Variants in SFI1 observed in about 807,000 individuals in gnomAD.
The protein encoded by SFI1 is protein SFI1 homolog.
Under a neutral mutation model 207.5 loss-of-function variants are expected in SFI1, and 195 were observed. That is an observed-to-expected ratio of 0.94 (90% CI 0.84 to 1.06). The LOEUF (loss-of-function observed/expected upper bound fraction) is 1.06, where lower values mean the gene tolerates loss of function less well. Among genes scored for constraint, SFI1 ranks in the 50% least tolerant of loss-of-function variants. SFI1 has a pLI of 0.00. For synonymous variants in SFI1, 630 were observed against 598.9 expected, an observed-to-expected ratio of 1.05 and a Z score of -0.76; for missense variants, 1,634 against 1,588.0, an observed-to-expected ratio of 1.03 and a Z score of -0.49.
At chr22:31,561,966 A>T (rs989447865) in intron 8 of SFI1, among the ~76,000 whole-genome samples, 1 of 152,200 alleles carries the variant, frequency 6.6e-6, no homozygotes, top group Admixed American at 6.5e-5. Flanking sequence ...TAGAACAGAG[A>T]AGAGGAAAAA....
intron 11 of SFI1, 23 bp downstream of exon 11, chr22:31,578,475 C>G (rs761660865): frequency 6.2e-7 from 1 of 1,607,602 alleles, no homozygotes; most frequent in Admixed American, 1.7e-5. Flanking sequence ...CATCCTGGCA[C>G]GGGTCCGCTT....
At chr22:31,542,007 A>G (rs1321568155) in intron 4 of SFI1, among the ~76,000 whole-genome samples, 2 of 150,538 alleles carry the variant, frequency 1.3e-5, no homozygotes, top group Non-Finnish European at 3.0e-5. Flanking sequence ...AGGCTGAGGA[A>G]GGAGACTGGC....
chr22:31,501,193 A>T (rs987437752), intron 1 of SFI1, among the ~76,000 whole-genome samples: 1 of 136,860 alleles, frequency 7.3e-6, no homozygotes. Context: ...TTTTTTTGAG[A>T]CGGAGTGTAG....
chr22:31,611,913 G>A, intron 24 of SFI1, 73 bp downstream of exon 24: 2 of 1,589,166 alleles, frequency 1.3e-6, no homozygotes, highest in Non-Finnish European at 1.7e-6. Flanking sequence ...GGCAGTGAAT[G>A]ACCTTCAGCC....
intron 21 of SFI1, 81 bp from the exon 22 acceptor site, chr22:31,607,856 G>T: frequency 7.7e-7 from 1 of 1,295,324 alleles, no homozygotes; most frequent in East Asian, 2.4e-5. Context: ...TGCCTCTCCA[G>T]GAGCCACCGT....
chr22:31,560,082 A>G lies in SFI1; in HGVS notation c.663-1208A>G, dbSNP rs968996095. 5 of 238,906 alleles carry G rather than the reference A, an allele frequency of 2.1e-5. No homozygotes were observed. In the Admixed American group the frequency reaches 2.1e-4, roughly 10 times the overall value. 14.8% of individuals were successfully genotyped at this position (238,906 alleles called of 1,614,324 possible). A position where few individuals can be genotyped will look rare whatever the true frequency, so the allele number is the denominator to read the frequency against. On this transcript the variant is annotated intron_variant, in intron 7 of 32. Coordinates refer to ENST00000400288, the MANE Select transcript of SFI1 (RefSeq NM_001007467.3). ...TGTGATTCCCTGGATGCATAAGAAG[A>G]TAAGTGATAATGTGAGATAGCTTGA...
chr22:31,529,275 C>T (rs1569225338), intron 3 of SFI1, among the ~76,000 whole-genome samples: 1 of 152,120 alleles, frequency 6.6e-6, no homozygotes, highest in Non-Finnish European at 1.5e-5. Flanking sequence ...AGGTCAGGTA[C>T]GGTGGCTCAC....
chr22:31,529,093 A>C, intron 3 of SFI1: 1 of 427,262 alleles, frequency 2.3e-6, no homozygotes, highest in Non-Finnish European at 4.2e-6. Context: ...TGACGCTATC[A>C]AGATTCTTCC....
intron 8 of SFI1, among the ~76,000 whole-genome samples, chr22:31,568,220 ATATATAT>A (rs2062576146): frequency 7.8e-6 from 1 of 129,026 alleles, no homozygotes; most frequent in African/African-American, 3.0e-5. Flanking sequence ...GTATATATAT[ATATATAT>A]TTTTTTTTTT....
At chr22:31,612,398 A>AAAAAAAAAATATATATAT (rs1556369798) in intron 24 of SFI1, 3 of 60,198 alleles carry the variant, frequency 5.0e-5, no homozygotes, top group African/African-American at 2.0e-4. Flanking sequence ...AAAAAAAAAA[A>AAAAAAAAAATATATATAT]ATATATATAT....
intron 6 of SFI1, among the ~76,000 whole-genome samples, chr22:31,552,923 C>T (rs2148051320): frequency 6.6e-6 from 1 of 152,182 alleles, no homozygotes; most frequent in South Asian, 2.1e-4. Flanking sequence ...TAGCTCACTG[C>T]AGCCTTGACT....
At position 31,615,032 on chromosome 22, in the gene SFI1, C is replaced by G. The variant is rs1400734832; in HGVS notation, c.3069-16C>G. On this transcript the variant is annotated splice_polypyrimidine_tract_variant and intron_variant, in intron 28 of 32. Coordinates refer to ENST00000400288, the MANE Select transcript of SFI1 (RefSeq NM_001007467.3). ...GTCCTGTGGCCTGACCAGGCTCTTG[C>G]CTTCCCTGTGCTCAGGCCTCAGAAG... 1.2e-6 allele frequency: 2 copies of G among 1,611,128 alleles called. No homozygotes were observed. Among genetic ancestry groups the G allele is most frequent in the East Asian group, 4.5e-5 (2 of 44,840 alleles).
At chr22:31,604,797 A>T (rs1355809627) in intron 19 of SFI1, 72 bp from the exon 20 acceptor site, 4 of 1,392,388 alleles carry the variant, frequency 2.9e-6, no homozygotes, top group Non-Finnish European at 4.0e-6. Context: ...TGGTAGATGC[A>T]CCTCTGAGGC....
intron 20 of SFI1, chr22:31,605,927 G>C (rs1415457585): frequency 9.7e-6 from 2 of 205,298 alleles, no homozygotes; most frequent in African/African-American, 4.6e-5. Flanking sequence ...CTTCAGACAG[G>C]GTGGAATAAG....
rs573097804 is a variant in SFI1 at position 31,564,762 on chromosome 22, G to A, written c.765+3370G>A. Among the ~76,000 whole-genome samples, 525 of 150,024 alleles carry A rather than the reference G, an allele frequency of 3.5e-3. 8 individuals carry two copies. Among genetic ancestry groups the A allele is most frequent in the African/African-American group, 0.012 (490 of 40,638 alleles). Reference sequence around the variant, plus strand: ...TGAGCTCAAGTGATCCACCCGCCTCGGCCTCCCAAAGTGCTGGGATTACAG... The same window carrying A: ...TGAGCTCAAGTGATCCACCCGCCTCAGCCTCCCAAAGTGCTGGGATTACAG... On this transcript the variant is annotated intron_variant, in intron 8 of 32. Transcript: ENST00000400288.
intron 9 of SFI1, among the ~76,000 whole-genome samples, chr22:31,574,460 C>T (rs1473170558): frequency 6.6e-6 from 1 of 152,212 alleles, no homozygotes; most frequent in Non-Finnish European, 1.5e-5. Flanking sequence ...ATGAAGCTGG[C>T]AGCCAGGATC....
chr22:31,508,622 A>C (rs2295241), intron 2 of SFI1, among the ~76,000 whole-genome samples: 3,713 of 152,256 alleles, frequency 0.024, 128 homozygotes, highest in Admixed American at 0.078. Flanking sequence ...TCTGAGCAGA[A>C]GTGAGTATTA....
In SFI1 at chr22:31,556,959, C is replaced by T. The variant is rs780021365; in HGVS notation, c.562C>T (p.Arg188Ter). The T allele has an allele frequency of 1.2e-6, 2 of 1,603,334 alleles. No homozygotes were observed. Among genetic ancestry groups the T allele is most frequent in the Non-Finnish European group, 1.7e-6 (2 of 1,173,820 alleles). The change falls in exon 7 of 33, where the codon CGA (arginine) becomes TGA (stop). Residue 188 changes from arginine (R) to a stop codon, truncating the protein, a stop_gained. Coordinates refer to ENST00000400288, the MANE Select transcript of SFI1 (RefSeq NM_001007467.3). LOFTEE classifies it high-confidence loss of function. ...GAATCTAGATGCAAAGCAAAAGATG[C>T]GACAGGCCTGGAAGTCCTGGTTGAT... ...AEVHDAKQKM[R>*]QAWKSWLIYV...
chr22:31,506,516 C>T (rs566557285), intron 1 of SFI1, among the ~76,000 whole-genome samples: 1 of 152,208 alleles, frequency 6.6e-6, no homozygotes, highest in Non-Finnish European at 1.5e-5. Context: ...AAGAAAGAAC[C>T]AGGCACAACT....
Sources: allele counts gnomAD v4.1 joint callset (sites outside exome capture counted in the v4.1 genomes callset), GRCh38; gene constraint gnomAD v4.1.1; transcripts MANE v1.5; gene names NCBI Gene and HGNC (gene_info 2026-07-23, HGNC 2026-07-21).